The following KDM2B variants were observed in gnomAD, a reference collection of about 807,000 sequenced individuals.
KDM2B encodes the protein lysine-specific demethylase 2B.
A neutral mutation model predicts 150.0 loss-of-function variants in KDM2B; 26 were observed. The observed-to-expected ratio is 0.17, with a 90% CI of 0.13 to 0.24. The LOEUF (loss-of-function observed/expected upper bound fraction) is 0.24. Among genes scored for constraint, KDM2B ranks in the 10% least tolerant of loss-of-function variants. KDM2B has a pLI of 1.00. For synonymous variants in KDM2B, 734 were observed against 729.5 expected (o/e 1.01, Z -0.10); for missense variants, 1,265 against 1,816.9 (o/e 0.70, Z 5.52).
At position 121,453,787 on chromosome 12, in the gene KDM2B, C is replaced by T. The variant is rs1227215635; in HGVS notation, c.1735-443G>A. Among the ~76,000 whole-genome samples the T allele has an allele frequency of 6.6e-6, 1 of 152,170 alleles. No homozygotes were observed. The highest frequency in any genetic ancestry group is 1.5e-5 in the Non-Finnish European group (1 of 68,030). On this transcript the variant is annotated intron_variant, in intron 12 of 22. Coordinates refer to ENST00000377071, the MANE Select transcript of KDM2B (RefSeq NM_032590.5). This position sits in a 1 kb window ranked among gnomAD's most constrained non-coding sequence, Gnocchi z 6.4. The stretch of plus-strand genomic sequence containing the variant: ...CCACACCTTGACTTCAGACTCCTGG[C>T]CTCCAGAACCGGGAGAGAAGAAAGG...
chr12:121,414,783 G>A, the KDM2B span, among the ~76,000 whole-genome samples: 6 of 150,682 alleles, frequency 4.0e-5, no homozygotes, highest in Admixed American at 6.6e-5. Context: ...AGCAATTCTC[G>A]TGCCTTTGGC....
At position 121,442,453 on chromosome 12, in the gene KDM2B, G is replaced by T. The variant is rs782685433; in HGVS notation, c.2988C>A (p.Arg996=). 1 of 1,600,032 alleles carries T rather than the reference G, an allele frequency of 6.2e-7. No homozygotes were observed. Among genetic ancestry groups the T allele is most frequent in the Admixed American group, 1.7e-5 (1 of 59,968 alleles). The part of the protein sequence containing the change: ...RPPGICERPH[R]FSKGLNGTPR... ...GGGTGCCGTTGAGCCCCTTGCTGAAGCGGTGGGGACGCTCGCAGATGCCCG... is the reference window on the plus strand; with the variant it reads ...GGGTGCCGTTGAGCCCCTTGCTGAATCGGTGGGGACGCTCGCAGATGCCCG... The change falls in exon 19 of 23, where the codon CGC becomes CGA. Residue 996 remains arginine, a synonymous_variant. Transcript: ENST00000377071. The surrounding 1 kb of genome is among the most constrained non-coding windows in gnomAD (Gnocchi z 7.7).
intron 8 of KDM2B, among the ~76,000 whole-genome samples, chr12:121,525,060 A>G (rs1306764491): frequency 2.0e-5 from 3 of 152,304 alleles, no homozygotes; most frequent in Admixed American, 6.5e-5. Flanking sequence ...GACACCTCAC[A>G]GACGCCCACA....
intron 8 of KDM2B, among the ~76,000 whole-genome samples, chr12:121,530,236 A>T (rs1887553409): frequency 6.6e-6 from 1 of 151,816 alleles, no homozygotes; most frequent in South Asian, 2.1e-4. Flanking sequence ...TCAAAAAAAA[A>T]AAAAAAAAAA....
At chr12:121,577,529 C>T (rs1891579493) in intron 2 of KDM2B, among the ~76,000 whole-genome samples, 1 of 152,098 alleles carries the variant, frequency 6.6e-6, no homozygotes, top group Non-Finnish European at 1.5e-5. Flanking sequence ...CCCAGCGCTC[C>T]AGGAGGCAAT....
chr12:121,555,973 C>A (rs1382006459), intron 4 of KDM2B, among the ~76,000 whole-genome samples: 1 of 151,860 alleles, frequency 6.6e-6, no homozygotes, highest in Non-Finnish European at 1.5e-5. Flanking sequence ...CTCACCTACA[C>A]TGGAGTACAG....
At chr12:121,566,578 G>A (rs1427815795) in intron 4 of KDM2B, among the ~76,000 whole-genome samples, 2 of 151,880 alleles carry the variant, frequency 1.3e-5, no homozygotes, top group East Asian at 1.9e-4. Flanking sequence ...CCGAGATCGC[G>A]CCAATGCACT....
In KDM2B at chr12:121,467,943, C is replaced by G. The variant is rs1427332821; in HGVS notation, c.1735-14599G>C. The G allele has an allele frequency of 6.5e-6, 1 of 152,710 alleles. No homozygotes were observed. Among genetic ancestry groups the G allele is most frequent in the Non-Finnish European group, 1.5e-5 (1 of 68,476 alleles). 9.5% of individuals were successfully genotyped at this position (152,710 alleles called of 1,614,324 possible). On this transcript the variant is annotated intron_variant, in intron 12 of 22. Transcript: ENST00000377071. The surrounding 1 kb of genome is among the most constrained non-coding windows in gnomAD (Gnocchi z 5.1). ...TAAGCTCTGAGAGCCCAGTCTCCCC[C>G]GACGCGGGCGGTTGGGCTGGGCCGG...
intron 6 of KDM2B, among the ~76,000 whole-genome samples, chr12:121,548,522 A>G (rs970688965): frequency 3.9e-5 from 6 of 152,212 alleles, no homozygotes; most frequent in African/African-American, 1.4e-4. Flanking sequence ...GCCCACTCCC[A>G]GGACACAATG....
rs376240670 is a variant in KDM2B, at chr12:121,562,234, G to C, written c.397+12313C>G. Among the ~76,000 whole-genome samples, 9 of 148,916 alleles carry C rather than the reference G, an allele frequency of 6.0e-5. No individual in the cohort carries two copies. The East Asian group carries it at 1.8e-3, about 30-fold the overall frequency. ...ACAGTAGTTCACGCCTGTAATCCCA[G>C]CTCTTTGGGAGGCCAAGGCGAACAG... On this transcript the variant is annotated intron_variant, in intron 4 of 22. Transcript: ENST00000377071.
chr12:121,531,548 T>C (rs1887660057), intron 8 of KDM2B, among the ~76,000 whole-genome samples: 1 of 152,212 alleles, frequency 6.6e-6, no homozygotes, highest in African/African-American at 2.4e-5. Context: ...TACTTTCTAC[T>C]TGTATGCCTC....
Position 121,533,509 on chromosome 12 carries a change from C to G in KDM2B, c.778-550G>C, listed in dbSNP as rs148263832. ...TCCATCAGGGACACCCACATCCCCA[C>G]GTGGACACGCAACAAAAGCAGACAC... is the stretch of plus-strand genomic sequence containing the variant. On this transcript the variant is annotated intron_variant, in intron 7 of 22. Transcript: ENST00000377071. This position sits in a 1 kb window ranked among gnomAD's most constrained non-coding sequence, Gnocchi z 4.1. Among the ~76,000 whole-genome samples the G allele has an allele frequency of 2.6e-4, 39 of 152,172 alleles. No individual in the cohort carries two copies. Among genetic ancestry groups the G allele is most frequent in the African/African-American group, 9.2e-4 (38 of 41,440 alleles).
chr12:121,523,971 C>T (rs1886912813), intron 8 of KDM2B, among the ~76,000 whole-genome samples: 1 of 152,230 alleles, frequency 6.6e-6, no homozygotes, highest in East Asian at 1.9e-4. Context: ...CCTGCCTCTG[C>T]TGCCTGCAGG....
At position 121,580,965 on chromosome 12, in the gene KDM2B, A is replaced by T; in HGVS notation, c.-54T>A. 1 of 1,590,762 alleles carries T rather than the reference A, an allele frequency of 6.3e-7. No homozygotes were observed. The highest frequency in any genetic ancestry group is 1.1e-5 in the South Asian group (1 of 87,322). On this transcript the variant is annotated 5_prime_UTR_variant, in exon 1 of 23. Coordinates refer to ENST00000377071, the MANE Select transcript of KDM2B (RefSeq NM_032590.5). ...GGAAATTAGCTCGGCTTCCATACCT[A>T]TAAGGACTGCCTAACTTTTAAACTC...
intron 11 of KDM2B, among the ~76,000 whole-genome samples, chr12:121,508,267 T>C (rs182954118): frequency 6.6e-6 from 1 of 152,172 alleles, no homozygotes; most frequent in Non-Finnish European, 1.5e-5. Flanking sequence ...TTTTATTTTT[T>C]GTAGAGATGG....
chr12:121,428,846 A>G (rs1397543329), downstream of KDM2B, among the ~76,000 whole-genome samples: 1 of 152,152 alleles, frequency 6.6e-6, no homozygotes, highest in Non-Finnish European at 1.5e-5. Context: ...TGTCTCCCAA[A>G]TCTGGCGAAC....
At chr12:121,510,217 A>T (rs911719128) in intron 10 of KDM2B, among the ~76,000 whole-genome samples, 178 bp from the exon 11 acceptor site, 1 of 151,862 alleles carries the variant, frequency 6.6e-6, no homozygotes, top group African/African-American at 2.4e-5. Flanking sequence ...TCAGATCCCC[A>T]CCCTGCTGCT....
Position 121,499,845 on chromosome 12 carries a change from G to A in KDM2B, c.1648-5180C>T, listed in dbSNP as rs553108119. Among the ~76,000 whole-genome samples the A allele has an allele frequency of 7.2e-5, 11 of 152,076 alleles. No individual in the cohort carries two copies. The East Asian group carries it at 2.1e-3, about 29-fold the overall frequency. On this transcript the variant is annotated intron_variant, in intron 11 of 22. Coordinates refer to ENST00000377071, the MANE Select transcript of KDM2B (RefSeq NM_032590.5). ...CGCGTCTGTGGTCTTAGCTGCTCGG[G>A]AGACTGAGGCAGGAGAATCACTTGA...
chr12:121,548,911 C>G lies in KDM2B; in HGVS notation c.649G>C (p.Ala217Pro). The G allele has an allele frequency of 6.2e-7, 1 of 1,614,194 alleles. No individual in the cohort carries two copies. The highest frequency in any genetic ancestry group is 1.3e-5 in the African/African-American group (1 of 75,076). ...TTCGGGTACTTCATCTCTGCAATGG[C>G]GTTCGTGGCTTCTGTCTGCTTCTCC... Reference protein sequence around the residue: ...LKEKQTEATNAIAEMKYPKVK... With the variant: ...LKEKQTEATNPIAEMKYPKVK... The change falls in exon 6 of 23, where the codon GCC (alanine) becomes CCC (proline). Residue 217 changes from alanine (A) to proline (P), a missense_variant. Ala to Pro is a conservative substitution (Grantham distance 27, BLOSUM62 -1). Coordinates refer to ENST00000377071, the MANE Select transcript of KDM2B (RefSeq NM_032590.5).
Sources: gnomAD v4.1 joint callset for allele counts (sites outside exome capture counted in the v4.1 genomes callset) on GRCh38, gnomAD v4.1.1 for gene constraint, Gnocchi (gnomAD v3.1) non-coding constraint, MANE v1.5 for transcripts, NCBI Gene and HGNC (gene_info 2026-07-23, HGNC 2026-07-21) for gene names.